Variants in NTRK2 observed in about 807,000 individuals in gnomAD.
The protein encoded by NTRK2 is BDNF/NT-3 growth factors receptor.
In NTRK2, 13 loss-of-function variants were observed where a neutral mutation model predicts 94.5. The ratio of observed to expected loss-of-function variants is 0.14; its 90% confidence interval spans 0.09 to 0.22. NTRK2 has a LOEUF of 0.22. Ranked by LOEUF, NTRK2 falls within the 10% of genes least tolerant of loss-of-function variation. NTRK2 has a pLI of 1.00. For synonymous variants in NTRK2, 372 were observed against 407.4 expected (o/e 0.91, Z 1.05); for missense variants, 639 against 1,071.2 (o/e 0.60, Z 5.63).
chr9:84,998,956 C>A lies in NTRK2; in HGVS notation c.2173-21250C>A, dbSNP rs553548093. ...TTGTCAGCCTCTTCTTTGGAATCCC[C>A]CATGCAGCCTTCTTTTCTCTCAGCT... On this transcript the variant is annotated intron_variant, in intron 17 of 18. Coordinates refer to ENST00000277120, the MANE Select transcript of NTRK2 (RefSeq NM_006180.6). Among the ~76,000 whole-genome samples, 6 of 152,290 alleles carry A rather than the reference C, an allele frequency of 3.9e-5. No homozygotes were observed. The South Asian group carries it at 1.2e-3, about 32-fold the overall frequency.
At chr9:85,001,189 G>C (rs1329930906) in intron 17 of NTRK2, among the ~76,000 whole-genome samples, 1 of 108,118 alleles carries the variant, frequency 9.2e-6, no homozygotes, top group Non-Finnish European at 2.0e-5. Context: ...TTCCTGTTTG[G>C]TTAGGGCCTG....
rs377187603 is a variant in NTRK2 at position 84,934,238 on chromosome 9, A to T, written c.1710A>T (p.Leu570=). ...AAGGAGCCTTTGGAAAAGTGTTCCT[A>T]GCTGAATGCTATAACCTCTGTCCTG... is the stretch of plus-strand genomic sequence containing the variant. ...LGEGAFGKVF[L]AECYNLCPEQ... The change falls in exon 15 of 19, where the codon CTA becomes CTT. Residue 570 remains leucine, a synonymous_variant. Coordinates refer to ENST00000277120, the MANE Select transcript of NTRK2 (RefSeq NM_006180.6). 6.2e-7 allele frequency: 1 copy of T among 1,613,962 alleles called. No individual in the cohort carries two copies. The highest frequency in any genetic ancestry group is 1.3e-5 in the African/African-American group (1 of 74,934).
intron 12 of NTRK2, among the ~76,000 whole-genome samples, chr9:84,788,096 A>G (rs1164651240): frequency 6.6e-6 from 1 of 152,228 alleles, no homozygotes; most frequent in East Asian, 1.9e-4. Context: ...AGGTATTACT[A>G]TGGTACATAA....
chr9:84,914,212 C>T (rs1376696608), intron 14 of NTRK2, among the ~76,000 whole-genome samples: 1 of 152,048 alleles, frequency 6.6e-6, no homozygotes, highest in Admixed American at 6.5e-5. Context: ...TTTCCCGGCA[C>T]TTACTATTTT....
At chr9:84,685,485 T>C (rs1428657681) in intron 2 of NTRK2, among the ~76,000 whole-genome samples, 1 of 151,954 alleles carries the variant, frequency 6.6e-6, no homozygotes, top group Non-Finnish European at 1.5e-5. Flanking sequence ...CTTGCCTAGC[T>C]CCCCTGCTTG....
chr9:84,826,983 G>A (rs867403232), intron 12 of NTRK2, among the ~76,000 whole-genome samples: 20 of 152,310 alleles, frequency 1.3e-4, no homozygotes, highest in Middle Eastern at 3.4e-3. Flanking sequence ...GGGTTTGGCA[G>A]GTCCTCTTAT....
intron 14 of NTRK2, among the ~76,000 whole-genome samples, chr9:84,898,681 AT>A (rs534220369): frequency 0.037 from 5,286 of 144,570 alleles, 115 homozygotes; most frequent in African/African-American, 0.052. Context: ...CTGAGCCCCC[AT>A]TTTTTTTTTT....
intron 17 of NTRK2, among the ~76,000 whole-genome samples, chr9:84,964,428 G>A (rs2133075792): frequency 6.6e-6 from 1 of 152,292 alleles, no homozygotes; most frequent in East Asian, 1.9e-4. Flanking sequence ...TGAGCACTGG[G>A]CACTGTTTTC....
At chr9:84,817,239 G>A (rs1462991648) in intron 12 of NTRK2, among the ~76,000 whole-genome samples, 1 of 152,148 alleles carries the variant, frequency 6.6e-6, no homozygotes. Flanking sequence ...AAACCCACTC[G>A]CATATCTTGG....
intron 12 of NTRK2, among the ~76,000 whole-genome samples, chr9:84,844,643 CCTCACTCACACACACACACA>C (rs2074366702): frequency 1.8e-5 from 2 of 111,522 alleles, no homozygotes; most frequent in Admixed American, 1.1e-4. Context: ...CAATGTAATA[CCTCACTCACACACACACACA>C]CACACACACA....
intron 12 of NTRK2, 109 bp from the exon 13 acceptor site, chr9:84,860,931 A>C (rs1244047110): frequency 2.2e-6 from 1 of 448,532 alleles, no homozygotes; most frequent in African/African-American, 2.2e-5. Context: ...TTATTTATTT[A>C]TTTTTGTCGG....
intron 17 of NTRK2, among the ~76,000 whole-genome samples, chr9:84,992,765 A>G (rs1035206397): frequency 6.6e-6 from 1 of 152,064 alleles, no homozygotes; most frequent in Non-Finnish European, 1.5e-5. Flanking sequence ...CCTGTGCTCC[A>G]TTTATGCAGA....
intron 12 of NTRK2, among the ~76,000 whole-genome samples, chr9:84,819,713 C>T (rs532000438): frequency 1.1e-4 from 16 of 152,308 alleles, no homozygotes; most frequent in Admixed American, 3.3e-4. Context: ...TCAGCCCTCC[C>T]TATCTGGAGT....
At chr9:84,693,127 G>A (rs557684145) in intron 2 of NTRK2, among the ~76,000 whole-genome samples, 131 of 152,260 alleles carry the variant, frequency 8.6e-4, no homozygotes, top group Middle Eastern at 3.4e-3. Flanking sequence ...AATCTCAAAT[G>A]TTAGTGACTA....
chr9:84,706,875 C>T (rs538381306), intron 4 of NTRK2, among the ~76,000 whole-genome samples: 4 of 152,196 alleles, frequency 2.6e-5, no homozygotes, highest in East Asian at 1.9e-4. Context: ...TTGCCTTCCT[C>T]GGCAGGAAAC....
At chr9:84,816,775 T>C (rs1388703054) in intron 12 of NTRK2, among the ~76,000 whole-genome samples, 2 of 65,090 alleles carry the variant, frequency 3.1e-5, no homozygotes, top group Admixed American at 2.9e-4. Context: ...CAAGACTCCA[T>C]CTCAAAAAAA....
At chr9:84,736,605 C>T (rs1306990721) in intron 9 of NTRK2, among the ~76,000 whole-genome samples, 2 of 152,166 alleles carry the variant, frequency 1.3e-5, no homozygotes, top group African/African-American at 4.8e-5. Context: ...TTTATGTCTG[C>T]TTTTCTGCCT....
At chr9:84,668,717 C>G (rs754188312), upstream of NTRK2, 1 of 152,262 alleles carries the variant, frequency 6.6e-6, no homozygotes, top group African/African-American at 2.4e-5. Flanking sequence ...GGATGCATAT[C>G]GTGCTCCGGG....
At position 84,670,378 on chromosome 9, in the gene NTRK2, CTCGAG is replaced by C; in HGVS notation, c.-370_-366del. 7.6e-6 allele frequency: 3 copies of C among 395,788 alleles called. No homozygotes were observed. The highest frequency in any genetic ancestry group is 2.1e-5 in the African/African-American group (1 of 48,698). 24.5% of individuals were successfully genotyped at this position (395,788 alleles called of 1,614,324 possible). ...TTACGCGTGTCTGTTTGTCCTCAGCCTCGAGGTGCATACCGGACCCCCATTCGCAT... is the reference window on the plus strand; with the variant it reads ...TTACGCGTGTCTGTTTGTCCTCAGCCGTGCATACCGGACCCCCATTCGCAT... On this transcript the variant is annotated splice_region_variant and 5_prime_UTR_variant, in exon 2 of 19. Transcript: ENST00000277120.
Sources: allele counts gnomAD v4.1 joint callset (sites outside exome capture counted in the v4.1 genomes callset), GRCh38; gene constraint gnomAD v4.1.1; transcripts MANE v1.5; gene names NCBI Gene and HGNC (gene_info 2026-07-23, HGNC 2026-07-21).